Variants in KCNU1 observed in about 807,000 individuals in gnomAD.
The protein encoded by KCNU1 is potassium calcium-activated channel subfamily U member 1.
A neutral mutation model predicts 126.8 loss-of-function variants in KCNU1; 93 were observed. The observed-to-expected ratio is 0.73, with a 90% CI of 0.62 to 0.87. The LOEUF (loss-of-function observed/expected upper bound fraction) is 0.87, where lower values mean the gene tolerates loss of function less well. Ranked by LOEUF, KCNU1 falls within the 40% of genes least tolerant of loss-of-function variation. KCNU1 has a pLI of 0.00. For synonymous variants in KCNU1, 523 were observed against 494.2 expected (o/e 1.06, Z -0.77); for missense variants, 1,330 against 1,367.1 (o/e 0.97, Z 0.43).
chr8:36,905,910 G>A, intron 20 of KCNU1, 106 bp downstream of exon 20: 1 of 584,048 alleles, frequency 1.7e-6, no homozygotes, highest in Non-Finnish European at 3.0e-6. Flanking sequence ...TGTAAACTGT[G>A]AATTTGTCAA....
At chr8:36,885,659 G>C (rs930203792) in intron 19 of KCNU1, among the ~76,000 whole-genome samples, 4 of 152,148 alleles carry the variant, frequency 2.6e-5, no homozygotes, top group Non-Finnish European at 5.9e-5. Context: ...TGGTCATGGT[G>C]GTGGGCGCTT....
chr8:36,887,438 ATTTGTTTTTT>A (rs1395051179), intron 19 of KCNU1, among the ~76,000 whole-genome samples: 3 of 96,538 alleles, frequency 3.1e-5, no homozygotes, highest in Non-Finnish European at 4.6e-5. Context: ...TTTATTGGCC[ATTTGTTTTTT>A]TTTGTTTTTT....
chr8:36,806,424 T>A (rs767305776), intron 5 of KCNU1, 44 bp downstream of exon 5: 2 of 974,612 alleles, frequency 2.1e-6, no homozygotes, highest in South Asian at 1.5e-5. Context: ...ATGAATAAAA[T>A]AAAAACTCAA....
rs1227741365 is a variant in KCNU1 at position 36,864,574 on chromosome 8, G to T, written c.2009+53G>T. 10 of 967,936 alleles carry T rather than the reference G, an allele frequency of 1.0e-5. No individual in the cohort carries two copies. The African/African-American group carries it at 1.6e-4, about 16-fold the overall frequency. 60.0% of individuals were successfully genotyped at this position (967,936 alleles called of 1,614,324 possible). On this transcript the variant is annotated intron_variant, in intron 19 of 26. Transcript: ENST00000399881. ...CTATAGTTTTTTTGAGAATCAGTGG[G>T]CCATATATATTGTATTTAAACCAGA... is the stretch of plus-strand genomic sequence containing the variant.
intron 19 of KCNU1, among the ~76,000 whole-genome samples, chr8:36,875,884 G>C (rs1806262483): frequency 6.6e-6 from 1 of 152,094 alleles, no homozygotes; most frequent in South Asian, 2.1e-4. Context: ...CCTGGTTTCA[G>C]CTGTTGCCCA....
chr8:36,798,310 A>G (rs1348698663), intron 2 of KCNU1, among the ~76,000 whole-genome samples: 1 of 152,206 alleles, frequency 6.6e-6, no homozygotes, highest in African/African-American at 2.4e-5. Flanking sequence ...TTAACCCTAT[A>G]TATTGTGAGT....
intron 2 of KCNU1, among the ~76,000 whole-genome samples, chr8:36,801,646 T>C (rs1378070778): frequency 6.6e-6 from 1 of 152,018 alleles, no homozygotes; most frequent in Non-Finnish European, 1.5e-5. Flanking sequence ...TTAATAATTA[T>C]CAATATGCTG....
intron 2 of KCNU1, among the ~76,000 whole-genome samples, chr8:36,797,222 T>G (rs1487369648): frequency 6.6e-6 from 1 of 152,204 alleles, no homozygotes; most frequent in Non-Finnish European, 1.5e-5. Context: ...ATTAGAGTGT[T>G]GCAAGGAGAA....
chr8:36,792,504 A>G (rs2037180840), intron 2 of KCNU1, among the ~76,000 whole-genome samples: 1 of 152,182 alleles, frequency 6.6e-6, no homozygotes, highest in African/African-American at 2.4e-5. Flanking sequence ...AGCAGGTGGA[A>G]CAGTTCTCCA....
chr8:36,914,453 G>A (rs573975322), intron 22 of KCNU1, among the ~76,000 whole-genome samples: 5 of 152,214 alleles, frequency 3.3e-5, no homozygotes, highest in Admixed American at 6.5e-5. Context: ...GAGAAACTCC[G>A]CCCTAACCTA....
intron 18 of KCNU1, among the ~76,000 whole-genome samples, chr8:36,856,044 A>C (rs1003606262): frequency 1.3e-5 from 2 of 152,154 alleles, no homozygotes; most frequent in African/African-American, 2.4e-5. Context: ...TCTCCAATTT[A>C]TTAACCCCTC....
Position 36,892,928 on chromosome 8 carries a change from A to C in KCNU1, c.2010-12780A>C, listed in dbSNP as rs967770314. ...TTCAGTTTCCTACAGTGAATGTTTCAAAACCTTTTAATACCCTCTATAGAA... is the reference window on the plus strand; with the variant it reads ...TTCAGTTTCCTACAGTGAATGTTTCCAAACCTTTTAATACCCTCTATAGAA... On this transcript the variant is annotated intron_variant, in intron 19 of 26. Transcript: ENST00000399881. 1.5e-4 allele frequency among the ~76,000 whole-genome samples: 23 copies of C among 151,948 alleles called. 1 individual carries two copies. The highest frequency in any genetic ancestry group is 2.1e-4 in the Non-Finnish European group (14 of 67,972).
chr8:36,900,443 G>A (rs1807368870), intron 19 of KCNU1, among the ~76,000 whole-genome samples: 1 of 152,002 alleles, frequency 6.6e-6, no homozygotes. Flanking sequence ...TCATAATATG[G>A]CCATAAAGAT....
chr8:36,898,498 A>G (rs960496986), intron 19 of KCNU1, among the ~76,000 whole-genome samples: 1 of 152,044 alleles, frequency 6.6e-6, no homozygotes, highest in African/African-American at 2.4e-5. Flanking sequence ...GAAGTGGATC[A>G]ATACAATGAA....
intron 6 of KCNU1, 58 bp from the exon 7 acceptor site, chr8:36,808,660 T>A (rs2130432628): frequency 2.0e-6 from 2 of 992,996 alleles, no homozygotes; most frequent in Admixed American, 3.9e-5. Flanking sequence ...GAGGATGAGG[T>A]GTTTGTGTTG....
At chr8:36,901,896 G>A (rs1465446306) in intron 19 of KCNU1, among the ~76,000 whole-genome samples, 1 of 152,120 alleles carries the variant, frequency 6.6e-6, no homozygotes, top group Non-Finnish European at 1.5e-5. Flanking sequence ...TTTTTGACCT[G>A]AATGGTACCC....
At chr8:36,846,456 G>T (rs916563119) in intron 18 of KCNU1, among the ~76,000 whole-genome samples, 1 of 152,126 alleles carries the variant, frequency 6.6e-6, no homozygotes, top group Non-Finnish European at 1.5e-5. Context: ...CTTAATGGCA[G>T]AAAAGGAAAA....
At chr8:36,795,555 G>A (rs1803066659) in intron 2 of KCNU1, 1 of 153,038 alleles carries the variant, frequency 6.5e-6, no homozygotes, top group African/African-American at 2.4e-5. Flanking sequence ...AGGTGATGTG[G>A]GGGTTGGGCT....
chr8:36,801,618 A>C (rs1189214469), intron 2 of KCNU1, among the ~76,000 whole-genome samples: 1 of 152,030 alleles, frequency 6.6e-6, no homozygotes, highest in Non-Finnish European at 1.5e-5. Flanking sequence ...GAAAAGCAAA[A>C]GGATTTCCTT....
Sources: allele counts gnomAD v4.1 joint callset (sites outside exome capture counted in the v4.1 genomes callset), GRCh38; gene constraint gnomAD v4.1.1; transcripts MANE v1.5; gene names NCBI Gene and HGNC (gene_info 2026-07-23, HGNC 2026-07-21).